Variants in GDAP1 observed in about 807,000 individuals in gnomAD.
GDAP1 encodes the protein ganglioside-induced differentiation-associated protein 1.
Under a neutral mutation model 40.1 loss-of-function variants are expected in GDAP1, and 34 were observed. The ratio of observed to expected loss-of-function variants is 0.85; its 90% CI spans 0.64 to 1.13. The LOEUF is 1.13. GDAP1 is among the 50% of genes most tolerant of loss of function. GDAP1 has a pLI of 0.00. For synonymous variants in GDAP1, 170 were observed against 157.4 expected (o/e 1.08, Z -0.60); for missense variants, 374 against 433.7 (o/e 0.86, Z 1.22).
At chr8:74,457,804 A>G (rs1202559617) in intron 2 of GDAP1, among the ~76,000 whole-genome samples, 2 of 152,150 alleles carry the variant, frequency 1.3e-5, no homozygotes, top group Non-Finnish European at 2.9e-5. Context: ...ATTCACTTTG[A>G]GTAGTGTTTA....
chr8:74,450,312 T>C (rs1310183235), intron 2 of GDAP1, among the ~76,000 whole-genome samples: 1 of 151,846 alleles, frequency 6.6e-6, no homozygotes, highest in Non-Finnish European at 1.5e-5. Context: ...ATGTGTATAT[T>C]TTGGAGATGT....
At chr8:74,483,392 T>G (rs1356294451) in intron 2 of GDAP1, among the ~76,000 whole-genome samples, 1 of 152,076 alleles carries the variant, frequency 6.6e-6, no homozygotes, top group East Asian at 1.9e-4. Flanking sequence ...GTGTTTCTTG[T>G]GGCAAGAACC....
At chr8:74,436,350 T>C (rs1259541222) in intron 2 of GDAP1, among the ~76,000 whole-genome samples, 1 of 152,078 alleles carries the variant, frequency 6.6e-6, no homozygotes, top group East Asian at 1.9e-4. Flanking sequence ...GGTAGAGCTC[T>C]TGGAGGAAGG....
intron 2 of GDAP1, among the ~76,000 whole-genome samples, chr8:74,438,263 CATCTCA>C (rs1806118197): frequency 6.6e-6 from 1 of 151,742 alleles, no homozygotes; most frequent in South Asian, 2.1e-4. Context: ...AGCGAAACTC[CATCTCA>C]AAAAACAAAA....
At position 74,443,900 on chromosome 8, in the gene GDAP1, T is replaced by C. The variant is rs376770487; in HGVS notation, c.166-44778T>C. On this transcript the variant is annotated intron_variant, in intron 2 of 2. Coordinates refer to the GDAP1 transcript ENST00000523640. ...GCCCTCTGCACAGTTTCTCTCCAGC[T>C]GTTTTTCTTTCCTGGCCTTGCATTC... 9.2e-5 allele frequency among the ~76,000 whole-genome samples: 14 copies of C among 152,288 alleles called. No homozygotes were observed. In the East Asian group the frequency reaches 2.5e-3, roughly 27 times the overall value.
At chr8:74,475,120 T>C (rs1468218121) in intron 2 of GDAP1, among the ~76,000 whole-genome samples, 1 of 152,192 alleles carries the variant, frequency 6.6e-6, no homozygotes, top group Non-Finnish European at 1.5e-5. Flanking sequence ...GGGTCAGTGG[T>C]ATTATCTCCT....
At chr8:74,450,086 TG>T (rs111598106) in intron 2 of GDAP1, among the ~76,000 whole-genome samples, 7 of 126,384 alleles carry the variant, frequency 5.5e-5, no homozygotes, top group African/African-American at 8.9e-5. Flanking sequence ...ATATTTCCTT[TG>T]GTTTTTTTTT....
chr8:74,443,725 C>G (rs899706411), intron 2 of GDAP1, among the ~76,000 whole-genome samples: 1 of 152,136 alleles, frequency 6.6e-6, no homozygotes, highest in Non-Finnish European at 1.5e-5. Context: ...GGTTCAAGAC[C>G]GTGAGTGACC....
chr8:74,448,593 T>C (rs959775969), intron 2 of GDAP1, among the ~76,000 whole-genome samples: 2 of 152,118 alleles, frequency 1.3e-5, no homozygotes, highest in Non-Finnish European at 2.9e-5. Flanking sequence ...TAACATTTTA[T>C]TGTTGTTCGT....
chr8:74,465,211 A>T (rs1359912375), intron 2 of GDAP1, among the ~76,000 whole-genome samples: 1 of 151,420 alleles, frequency 6.6e-6, no homozygotes, highest in Non-Finnish European at 1.5e-5. Flanking sequence ...ACAGAGCGAG[A>T]CTCCTCTCCA....
At chr8:74,468,767 C>T (rs1029107441) in intron 2 of GDAP1, among the ~76,000 whole-genome samples, 1 of 152,112 alleles carries the variant, frequency 6.6e-6, no homozygotes, top group African/African-American at 2.4e-5. Context: ...TTACTGTCTT[C>T]TTTCCTAATT....
intron 5 of GDAP1, among the ~76,000 whole-genome samples, chr8:74,363,756 G>A (rs918002171): frequency 1.3e-5 from 2 of 152,192 alleles, no homozygotes; most frequent in African/African-American, 2.4e-5. Flanking sequence ...GACCTGGATG[G>A]CTGACAGACG....
At chr8:74,474,923 T>G (rs2128720981) in intron 2 of GDAP1, among the ~76,000 whole-genome samples, 1 of 152,210 alleles carries the variant, frequency 6.6e-6, no homozygotes, top group East Asian at 1.9e-4. Flanking sequence ...GGTCCTGGGC[T>G]TTTTTTGGTT....
At position 74,365,274 on chromosome 8, in the gene GDAP1, A is replaced by G. The variant is rs748292572; in HGVS notation, c.*907A>G. ...ACAAAAATTGTTGTCCAGATCTTTC[A>G]TCTGTTTATGATCATCAACAAAGAC... On this transcript the variant is annotated 3_prime_UTR_variant, in exon 6 of 6. Coordinates refer to ENST00000220822, the MANE Select transcript of GDAP1 (RefSeq NM_018972.4). 19 of 454,124 alleles carry G rather than the reference A, an allele frequency of 4.2e-5. 1 individual carries two copies. Among genetic ancestry groups the G allele is most frequent in the African/African-American group, 3.2e-4 (16 of 50,144 alleles). The allele number at this position is 454,124 out of a possible 1,614,324, so 28.1% of individuals were successfully genotyped here.
chr8:74,362,048 C>T, intron 4 of GDAP1, 70 bp downstream of exon 4: 1 of 830,758 alleles, frequency 1.2e-6, no homozygotes, highest in Non-Finnish European at 2.1e-6. Flanking sequence ...TGTAAAGTAC[C>T]ACTATTTCTA....
intron 2 of GDAP1, among the ~76,000 whole-genome samples, chr8:74,437,722 C>T (rs370456091): frequency 8.1e-5 from 12 of 147,904 alleles, no homozygotes; most frequent in Non-Finnish European, 7.7e-5. Context: ...TCATATTATA[C>T]GTCAACATTA....
intron 2 of GDAP1, among the ~76,000 whole-genome samples, chr8:74,425,316 A>G (rs1006730661): frequency 1.2e-4 from 18 of 152,218 alleles, no homozygotes; most frequent in Non-Finnish European, 2.6e-4. Flanking sequence ...AGTACTTATG[A>G]TTAACCTTAG....
intron 2 of GDAP1, among the ~76,000 whole-genome samples, chr8:74,399,716 T>G (rs1440591598): frequency 4.9e-5 from 6 of 123,612 alleles, no homozygotes; most frequent in Admixed American, 2.4e-4. Context: ...TACACACTGC[T>G]TTGAATGCGT....
intron 2 of GDAP1, among the ~76,000 whole-genome samples, chr8:74,417,054 C>A (rs1415393383): frequency 6.7e-6 from 1 of 148,850 alleles, no homozygotes; most frequent in African/African-American, 2.6e-5. Flanking sequence ...TACTTCTTCT[C>A]CCCCTCATTC....
Sources: allele counts gnomAD v4.1 joint callset (sites outside exome capture counted in the v4.1 genomes callset), GRCh38; gene constraint gnomAD v4.1.1; transcripts MANE v1.5; gene names NCBI Gene and HGNC (gene_info 2026-07-23, HGNC 2026-07-21).